NELL1: variants seen among roughly 807,000 people sequenced by gnomAD.
NELL1 encodes protein kinase C-binding protein NELL1.
In NELL1, 76 loss-of-function variants were observed where a neutral mutation model predicts 107.4. That is an observed-to-expected ratio of 0.71 (90% CI 0.59 to 0.86). NELL1 has a LOEUF of 0.86. Ranked by LOEUF, NELL1 falls within the 40% of genes least tolerant of loss-of-function variation. The probability of loss-of-function intolerance (pLI) is 0.00; values close to 1 mark genes in which losing one functional copy is unlikely to be tolerated. For synonymous variants in NELL1, 353 were observed against 341.2 expected (o/e 1.03, Z -0.38); for missense variants, 1,024 against 1,005.5 (o/e 1.02, Z -0.25).
intron 2 of NELL1, among the ~76,000 whole-genome samples, chr11:20,731,793 G>T (rs930006744): frequency 5.3e-5 from 8 of 152,196 alleles, no homozygotes; most frequent in African/African-American, 1.7e-4. Flanking sequence ...CTAAGCATAT[G>T]TCCGGGATTA....
intron 15 of NELL1, among the ~76,000 whole-genome samples, chr11:21,453,121 A>AT (rs1400967202): frequency 6.6e-6 from 1 of 152,076 alleles, no homozygotes; most frequent in African/African-American, 2.4e-5. Context: ...GTCAATAAGG[A>AT]TATTTTGGTC....
intron 14 of NELL1, among the ~76,000 whole-genome samples, chr11:21,323,582 A>G (rs10833503): frequency 0.51 from 77,190 of 151,806 alleles, 19,885 homozygotes; most frequent in Non-Finnish European, 0.52. Context: ...AACACCTTCC[A>G]TTTTACCTCT....
chr11:20,865,257 G>A (rs547729012), intron 4 of NELL1, among the ~76,000 whole-genome samples: 3 of 152,172 alleles, frequency 2.0e-5, no homozygotes, highest in Non-Finnish European at 4.4e-5. Flanking sequence ...TATGACTGAG[G>A]CTTGCTGTAA....
chr11:21,277,156 A>G (rs1332696124), intron 14 of NELL1, among the ~76,000 whole-genome samples: 1 of 152,092 alleles, frequency 6.6e-6, no homozygotes, highest in Non-Finnish European at 1.5e-5. Flanking sequence ...TCATCTGACA[A>G]AGGGCTAATA....
chr11:20,713,325 GTGGGGCT>G (rs1855158683), intron 2 of NELL1, among the ~76,000 whole-genome samples: 2 of 152,128 alleles, frequency 1.3e-5, no homozygotes, highest in South Asian at 4.2e-4. Flanking sequence ...CTCTTCTTGG[GTGGGGCT>G]TGCTGCAGCC....
chr11:20,927,393 A>G lies in NELL1; in HGVS notation c.845A>G (p.Asp282Gly). Reference protein sequence around the residue: ...TCQVSGLLYRDQDSWVDGDHC... With the variant: ...TCQVSGLLYRGQDSWVDGDHC... ...CAAGTGAGTGGACTGCTCTATCGAGATCAAGACTCTTGGGTAGATGGTGAC... is the reference window on the plus strand; with the variant it reads ...CAAGTGAGTGGACTGCTCTATCGAGGTCAAGACTCTTGGGTAGATGGTGAC... Residue 282 changes from aspartate (D) to glycine (G), a missense_variant, in exon 8 of 20, where the codon GAT becomes GGT. By Grantham distance (94) the Asp-to-Gly change is moderately conservative. Coordinates refer to ENST00000357134, the MANE Select transcript of NELL1 (RefSeq NM_006157.5). 4 of 1,613,260 alleles carry G rather than the reference A, an allele frequency of 2.5e-6. No homozygotes were observed. The highest frequency in any genetic ancestry group is 3.4e-6 in the Non-Finnish European group (4 of 1,179,762).
intron 15 of NELL1, among the ~76,000 whole-genome samples, chr11:21,381,373 G>C (rs1428199374): frequency 6.6e-6 from 1 of 151,942 alleles, no homozygotes; most frequent in African/African-American, 2.4e-5. Flanking sequence ...ACCCAGCTCT[G>C]TAACACTGGA....
At chr11:21,339,561 T>C (rs1850515458) in intron 14 of NELL1, among the ~76,000 whole-genome samples, 1 of 152,186 alleles carries the variant, frequency 6.6e-6, no homozygotes, top group South Asian at 2.1e-4. Flanking sequence ...TCAGTGCCAA[T>C]ACTGATAATT....
intron 14 of NELL1, among the ~76,000 whole-genome samples, chr11:21,282,169 C>G (rs889107495): frequency 2.0e-5 from 3 of 152,032 alleles, no homozygotes; most frequent in African/African-American, 7.2e-5. Context: ...ATCTAACAAT[C>G]TAATTAAAAA....
intron 15 of NELL1, among the ~76,000 whole-genome samples, chr11:21,483,153 A>G (rs1854534994): frequency 6.6e-6 from 1 of 152,152 alleles, no homozygotes. Context: ...ATAGTATAGT[A>G]TAGCTGCTCT....
chr11:21,415,200 C>A (rs886992769), intron 15 of NELL1, among the ~76,000 whole-genome samples: 1 of 152,098 alleles, frequency 6.6e-6, no homozygotes, highest in Non-Finnish European at 1.5e-5. Context: ...CCTTCACCTT[C>A]CCCTGCTCTT....
intron 15 of NELL1, among the ~76,000 whole-genome samples, chr11:21,443,201 CTCA>C (rs1853337040): frequency 6.6e-6 from 1 of 152,038 alleles, no homozygotes; most frequent in South Asian, 2.1e-4. Context: ...TTAGACCAAA[CTCA>C]TCGTTTTATG....
chr11:21,401,471 C>G lies in NELL1; in HGVS notation c.1645+30523C>G, dbSNP rs118176537. 7.9e-3 allele frequency among the ~76,000 whole-genome samples: 1,206 copies of G among 151,864 alleles called. 12 individuals are homozygous for G. The highest frequency in any genetic ancestry group is 0.013 in the Non-Finnish European group (896 of 67,860). Reference sequence around the variant, plus strand: ...ACTGTGAAGGGCATTTGGTATTTGTCCTGCATCCTACTAACATCAGCAATT... The same window carrying G: ...ACTGTGAAGGGCATTTGGTATTTGTGCTGCATCCTACTAACATCAGCAATT... On this transcript the variant is annotated intron_variant, in intron 15 of 19. Transcript: ENST00000357134.
chr11:21,209,331 T>TTATA (rs10588528), intron 13 of NELL1, among the ~76,000 whole-genome samples: 14 of 145,178 alleles, frequency 9.6e-5, no homozygotes, highest in East Asian at 4.0e-4. Context: ...TATGTATATA[T>TTATA]TATATATATA....
At chr11:20,687,974 C>T (rs926611872) in intron 2 of NELL1, among the ~76,000 whole-genome samples, 1 of 151,966 alleles carries the variant, frequency 6.6e-6, no homozygotes, top group Non-Finnish European at 1.5e-5. Context: ...TTATTAATCT[C>T]GTATAATTGA....
In NELL1 at chr11:21,185,023, A is replaced by G. The variant is rs538241792; in HGVS notation, c.1427-44309A>G. Among the ~76,000 whole-genome samples the G allele has an allele frequency of 5.6e-4, 85 of 151,938 alleles. 3 individuals are homozygous for G. The highest frequency in any genetic ancestry group is 2.0e-3 in the African/African-American group (82 of 41,236). On this transcript the variant is annotated intron_variant, in intron 13 of 19. Coordinates refer to ENST00000357134, the MANE Select transcript of NELL1 (RefSeq NM_006157.5). Reference sequence around the variant, plus strand: ...TAAGAATTGCCCTTCCTTGAGCTTAACCAATTGTCTGTCATCTTTTAGTGT... The same window carrying G: ...TAAGAATTGCCCTTCCTTGAGCTTAGCCAATTGTCTGTCATCTTTTAGTGT...
chr11:21,345,691 G>A (rs929633544), intron 14 of NELL1, among the ~76,000 whole-genome samples: 5 of 152,124 alleles, frequency 3.3e-5, no homozygotes, highest in African/African-American at 1.2e-4. Flanking sequence ...GCACGACTTC[G>A]CTGACTGCTG....
At chr11:21,341,218 G>A (rs11026033) in intron 14 of NELL1, among the ~76,000 whole-genome samples, 20,772 of 152,174 alleles carry the variant, frequency 0.14, 1,713 homozygotes, top group Non-Finnish European at 0.19. Context: ...CTAGAAATCA[G>A]CAAAGGCAGA....
At chr11:20,709,519 A>G (rs1432406340) in intron 2 of NELL1, among the ~76,000 whole-genome samples, 2 of 152,072 alleles carry the variant, frequency 1.3e-5, no homozygotes, top group Non-Finnish European at 2.9e-5. Context: ...CTTTGGCTGC[A>G]TGGAGTATTT....
Sources: allele counts gnomAD v4.1 joint callset (sites outside exome capture counted in the v4.1 genomes callset), GRCh38; gene constraint gnomAD v4.1.1; transcripts MANE v1.5; gene names NCBI Gene and HGNC (gene_info 2026-07-23, HGNC 2026-07-21).